Variants in PDE6D observed in about 807,000 individuals in gnomAD.
PDE6D encodes the protein phosphodiesterase 6D.
PDE6D carries 10 observed loss-of-function variants against 21.9 expected under a neutral mutation model. The ratio of observed to expected loss-of-function variants is 0.46; its 90% CI spans 0.28 to 0.78. The LOEUF (loss-of-function observed/expected upper bound fraction) is 0.78. Among genes scored for constraint, PDE6D ranks in the 30% least tolerant of loss-of-function variants. The pLI, the probability that PDE6D is intolerant of heterozygous loss-of-function variation, is 0.12. For synonymous variants in PDE6D, 59 were observed against 63.5 expected (o/e 0.93, Z 0.34); for missense variants, 139 against 184.8 (o/e 0.75, Z 1.44).
At chr2:231,765,179 A>C (rs113105409) in intron 1 of PDE6D, among the ~76,000 whole-genome samples, 1 of 151,948 alleles carries the variant, frequency 6.6e-6, no homozygotes, top group African/African-American at 2.4e-5. Flanking sequence ...AAGCTGAGGC[A>C]GGAGGACTGC....
chr2:231,755,108 T>C (rs62197247), intron 1 of PDE6D, among the ~76,000 whole-genome samples: 26,340 of 152,018 alleles, frequency 0.17, 2,733 homozygotes, highest in Non-Finnish European at 0.23. Context: ...GAGAAAACAG[T>C]AGTCTGCAAC....
chr2:231,737,883 G>T, intron 3 of PDE6D, 130 bp downstream of exon 3: 1 of 895,192 alleles, frequency 1.1e-6, no homozygotes, highest in Non-Finnish European at 1.7e-6. Context: ...CTTGCAGAGT[G>T]TAGGAATCCT....
At chr2:231,745,408 G>A (rs1390939770) in intron 1 of PDE6D, among the ~76,000 whole-genome samples, 1 of 152,196 alleles carries the variant, frequency 6.6e-6, no homozygotes, top group African/African-American at 2.4e-5. Flanking sequence ...CCAATCTTGA[G>A]AGGAGGATTA....
intron 4 of PDE6D, among the ~76,000 whole-genome samples, chr2:231,735,801 A>G (rs1023859923): frequency 6.6e-6 from 1 of 151,630 alleles, no homozygotes; most frequent in Non-Finnish European, 1.5e-5. Context: ...AGGCGGGTGG[A>G]TCACCCGAGG....
Position 231,781,204 on chromosome 2 carries a change from G to A in PDE6D, c.-90C>T, listed in dbSNP as rs2049121664. The A allele has an allele frequency of 6.1e-6, 8 of 1,320,950 alleles. No homozygotes were observed. The highest frequency in any genetic ancestry group is 1.4e-5 in the African/African-American group (1 of 69,010). The allele number at this position is 1,320,950 out of a possible 1,614,324, so 81.8% of individuals were successfully genotyped here. On this transcript the variant is annotated 5_prime_UTR_variant, in exon 1 of 5. Transcript: ENST00000287600. Reference sequence around the variant, plus strand: ...GGAGCCGAGGATGGAGCCGCAGCCCGGCTTGGAGACCTCGGGCTAGCAGCC... The same window carrying A: ...GGAGCCGAGGATGGAGCCGCAGCCCAGCTTGGAGACCTCGGGCTAGCAGCC...
chr2:231,759,297 C>CA (rs1326211560), intron 1 of PDE6D, among the ~76,000 whole-genome samples: 1 of 151,742 alleles, frequency 6.6e-6, no homozygotes, highest in Non-Finnish European at 1.5e-5. Flanking sequence ...GCCTGGGCGA[C>CA]AAAGTGAGAC....
intron 1 of PDE6D, among the ~76,000 whole-genome samples, chr2:231,747,432 C>T (rs6727769): frequency 0.076 from 11,526 of 152,042 alleles, 1,372 homozygotes; most frequent in African/African-American, 0.25. Context: ...AACTGAAGAG[C>T]ACATTTAAAT....
intron 1 of PDE6D, among the ~76,000 whole-genome samples, chr2:231,767,855 T>C (rs75384148): frequency 3.3e-5 from 5 of 150,528 alleles, no homozygotes; most frequent in Non-Finnish European, 5.9e-5. Flanking sequence ...TTTTTTTTTT[T>C]CCAGACAAGT....
At chr2:231,761,196 A>G (rs2048921995) in intron 1 of PDE6D, among the ~76,000 whole-genome samples, 1 of 150,624 alleles carries the variant, frequency 6.6e-6, no homozygotes. Flanking sequence ...TTTTTTTGAG[A>G]TGTAGTCTCA....
intron 1 of PDE6D, among the ~76,000 whole-genome samples, chr2:231,774,821 C>T (rs181205110): frequency 1.4e-4 from 22 of 152,098 alleles, no homozygotes; most frequent in African/African-American, 4.3e-4. Flanking sequence ...GAATCCCTGA[C>T]CTCAAGTAAT....
At chr2:231,743,096 C>T (rs2048762990) in intron 1 of PDE6D, among the ~76,000 whole-genome samples, 1 of 152,112 alleles carries the variant, frequency 6.6e-6, no homozygotes, top group Admixed American at 6.6e-5. Flanking sequence ...ATATTTTACC[C>T]TCTGGAGAGA....
At chr2:231,748,877 G>T (rs367612681) in intron 1 of PDE6D, among the ~76,000 whole-genome samples, 1 of 152,238 alleles carries the variant, frequency 6.6e-6, no homozygotes, top group East Asian at 1.9e-4. Context: ...CGGGTGCACA[G>T]AAGTCAAGAA....
chr2:231,734,093 A>T (rs762208991), intron 4 of PDE6D, among the ~76,000 whole-genome samples: 23 of 152,044 alleles, frequency 1.5e-4, no homozygotes, highest in Non-Finnish European at 3.1e-4. Context: ...GGGCGCCTAT[A>T]GTCCCAGCTA....
intron 1 of PDE6D, among the ~76,000 whole-genome samples, chr2:231,748,002 CT>C (rs575815913): frequency 2.0e-5 from 3 of 151,510 alleles, no homozygotes; most frequent in Non-Finnish European, 2.9e-5. Context: ...CCAATTAAAG[CT>C]TTTTTTTTGT....
At chr2:231,778,028 G>A (rs1207641307) in intron 1 of PDE6D, among the ~76,000 whole-genome samples, 1 of 152,228 alleles carries the variant, frequency 6.6e-6, no homozygotes, top group Admixed American at 6.5e-5. Flanking sequence ...AGCACTTTGG[G>A]AGGCAGAGGC....
At chr2:231,760,311 C>T (rs972705569) in intron 1 of PDE6D, among the ~76,000 whole-genome samples, 12 of 152,098 alleles carry the variant, frequency 7.9e-5, no homozygotes, top group African/African-American at 2.7e-4. Flanking sequence ...TATCTATTTA[C>T]TATATAATGA....
At chr2:231,755,933 T>TTA (rs201881199) in intron 1 of PDE6D, among the ~76,000 whole-genome samples, 1 of 146,542 alleles carries the variant, frequency 6.8e-6, no homozygotes, top group Non-Finnish European at 1.5e-5. Context: ...AAAAAAAAAA[T>TTA]TATATATATA....
At chr2:231,756,598 TG>T (rs1221095272) in intron 1 of PDE6D, among the ~76,000 whole-genome samples, 12 of 143,182 alleles carry the variant, frequency 8.4e-5, no homozygotes, top group African/African-American at 2.8e-4. Context: ...CTACTAAACC[TG>T]GCTTTTTTTT....
intron 1 of PDE6D, among the ~76,000 whole-genome samples, chr2:231,740,661 A>AC (rs1491324914): frequency 5.5e-5 from 8 of 146,660 alleles, no homozygotes; most frequent in African/African-American, 2.1e-4. Flanking sequence ...AGCCTGGGCG[A>AC]CAGAGGGAGA....
Sources: gnomAD v4.1 joint callset for allele counts (sites outside exome capture counted in the v4.1 genomes callset) on GRCh38, gnomAD v4.1.1 for gene constraint, MANE v1.5 for transcripts, NCBI Gene and HGNC (gene_info 2026-07-23, HGNC 2026-07-21) for gene names.